RFTN2: variants seen among roughly 807,000 people sequenced by gnomAD.
The protein encoded by RFTN2 is raftlin family member 2.
In RFTN2, 34 loss-of-function variants were observed where a neutral mutation model predicts 52.7. The observed-to-expected ratio is 0.64, with a 90% CI of 0.49 to 0.86. The LOEUF (loss-of-function observed/expected upper bound fraction) is 0.86, where lower values mean the gene tolerates loss of function less well. RFTN2 is among the 40% of genes least tolerant of loss of function. The pLI is 0.00. For missense variants in RFTN2, 536 were observed against 600.1 expected (o/e 0.89, Z 1.12); for synonymous variants, 203 against 217.7 (o/e 0.93, Z 0.59).
intron 8 of RFTN2, among the ~76,000 whole-genome samples, chr2:197,573,762 C>T (rs573085722): frequency 3.3e-5 from 5 of 152,310 alleles, no homozygotes; most frequent in Non-Finnish European, 4.4e-5. Flanking sequence ...TTTTGTGGGC[C>T]GGACCTAGGG....
intron 8 of RFTN2, among the ~76,000 whole-genome samples, chr2:197,583,862 G>C (rs941129754): frequency 1.3e-5 from 2 of 152,068 alleles, no homozygotes; most frequent in Non-Finnish European, 2.9e-5. Context: ...CAAACTATGA[G>C]TGAGAACATG....
At chr2:197,609,545 T>C (rs2088020601) in intron 7 of RFTN2, among the ~76,000 whole-genome samples, 1 of 152,232 alleles carries the variant, frequency 6.6e-6, no homozygotes, top group African/African-American at 2.4e-5. Context: ...CTTTGTCAGA[T>C]GGATAGATTG....
chr2:197,609,060 A>C (rs2088012184), intron 7 of RFTN2, among the ~76,000 whole-genome samples: 1 of 151,924 alleles, frequency 6.6e-6, no homozygotes. Flanking sequence ...TGGTACCAAG[A>C]TTTTGCTATT....
Position 197,633,962 on chromosome 2 carries a change from A to G in RFTN2, c.474T>C (p.Val158=), listed in dbSNP as rs758003351. The part of the protein sequence containing the change: ...NVAAKRGMKF[V]GFISQHYSPS... ...GAGAATAATGCTGTGATATGAATCC[A>G]ACAAATTTCATTCCTCTTTTAGCAG... Residue 158 remains valine, a synonymous_variant, in exon 4 of 9, where the codon GTT becomes GTC. Coordinates refer to ENST00000295049, the MANE Select transcript of RFTN2 (RefSeq NM_144629.3). 5 of 1,612,890 alleles carry G rather than the reference A, an allele frequency of 3.1e-6. No homozygotes were observed. The Admixed American group carries it at 8.3e-5, about 27-fold the overall frequency.
chr2:197,623,218 C>T (rs2088297955), intron 5 of RFTN2, among the ~76,000 whole-genome samples: 1 of 152,168 alleles, frequency 6.6e-6, no homozygotes, highest in Non-Finnish European at 1.5e-5. Flanking sequence ...CCATTAAGAA[C>T]ATTTATGATT....
intron 8 of RFTN2, among the ~76,000 whole-genome samples, chr2:197,578,410 T>C (rs186456819): frequency 6.6e-6 from 1 of 152,324 alleles, no homozygotes; most frequent in East Asian, 1.9e-4. Flanking sequence ...GTGACTGTTA[T>C]GTCAGGCCTC....
intron 1 of RFTN2, among the ~76,000 whole-genome samples, chr2:197,660,980 TA>T (rs757178402): frequency 2.0e-5 from 3 of 152,214 alleles, no homozygotes; most frequent in Non-Finnish European, 2.9e-5. Flanking sequence ...CAATATTACA[TA>T]TTTTTTTATC....
intron 8 of RFTN2, among the ~76,000 whole-genome samples, chr2:197,582,260 C>G (rs1349573723): frequency 6.6e-6 from 1 of 152,244 alleles, no homozygotes; most frequent in Non-Finnish European, 1.5e-5. Context: ...ACTTTCTGCT[C>G]CGCAGCTCCT....
chr2:197,628,819 A>G (rs2088412972), intron 5 of RFTN2, among the ~76,000 whole-genome samples: 1 of 152,234 alleles, frequency 6.6e-6, no homozygotes, highest in Admixed American at 6.5e-5. Flanking sequence ...CACAACAGAA[A>G]AAGTAGGAGT....
chr2:197,578,814 C>G (rs2087460086), intron 8 of RFTN2, among the ~76,000 whole-genome samples: 1 of 152,192 alleles, frequency 6.6e-6, no homozygotes, highest in Non-Finnish European at 1.5e-5. Flanking sequence ...CCACCCTTGG[C>G]AGATCAATCC....
At chr2:197,647,179 T>C (rs1412638985) in intron 1 of RFTN2, among the ~76,000 whole-genome samples, 7 of 152,178 alleles carry the variant, frequency 4.6e-5, no homozygotes, top group Non-Finnish European at 8.8e-5. Context: ...GAAGAGCCAG[T>C]CATTTTTATG....
chr2:197,591,270 C>A (rs886316072), intron 8 of RFTN2, among the ~76,000 whole-genome samples: 1 of 152,166 alleles, frequency 6.6e-6, no homozygotes, highest in Admixed American at 6.5e-5. Context: ...TATTCACAAT[C>A]CCTTAGCTAG....
rs183683486 is a variant in RFTN2, at chr2:197,584,539, A to T, written c.1233+11452T>A. ...TTTGTCAGATGAGTAGATTGCAAAAATTTTCTCCCACTCTGTAGGTTGCCT... is the reference window on the plus strand; with the variant it reads ...TTTGTCAGATGAGTAGATTGCAAAATTTTTCTCCCACTCTGTAGGTTGCCT... On this transcript the variant is annotated intron_variant, in intron 8 of 8. Coordinates refer to ENST00000295049, the MANE Select transcript of RFTN2 (RefSeq NM_144629.3). Among the ~76,000 whole-genome samples the T allele has an allele frequency of 6.8e-4, 103 of 151,734 alleles. 1 individual carries two copies. The highest frequency in any genetic ancestry group is 2.4e-3 in the African/African-American group (100 of 41,340).
chr2:197,595,616 T>C (rs1245025027), intron 8 of RFTN2, among the ~76,000 whole-genome samples: 2 of 152,224 alleles, frequency 1.3e-5, no homozygotes, highest in East Asian at 3.8e-4. Context: ...TGCAGACTCT[T>C]CAGTGTGAAT....
At chr2:197,604,202 T>C (rs1482961322) in intron 7 of RFTN2, among the ~76,000 whole-genome samples, 1 of 152,192 alleles carries the variant, frequency 6.6e-6, no homozygotes, top group East Asian at 1.9e-4. Context: ...AACAATCTAT[T>C]TGAAAAGAAT....
intron 7 of RFTN2, among the ~76,000 whole-genome samples, chr2:197,601,351 C>T (rs2087878393): frequency 1.3e-5 from 2 of 152,180 alleles, no homozygotes; most frequent in African/African-American, 4.8e-5. Flanking sequence ...TTGGACTAAA[C>T]TAATAAAAAC....
intron 2 of RFTN2, among the ~76,000 whole-genome samples, chr2:197,645,476 A>G (rs1424851980): frequency 2.6e-5 from 4 of 152,236 alleles, no homozygotes; most frequent in Non-Finnish European, 5.9e-5. Context: ...GTGTAAAAAA[A>G]TTTAATGTGT....
At chr2:197,579,138 T>C (rs1574675422) in intron 8 of RFTN2, among the ~76,000 whole-genome samples, 1 of 152,324 alleles carries the variant, frequency 6.6e-6, no homozygotes, top group East Asian at 1.9e-4. Context: ...TGGTGTTTAA[T>C]CACTGCAGAG....
intron 8 of RFTN2, among the ~76,000 whole-genome samples, chr2:197,577,802 A>T (rs917049862): frequency 2.0e-5 from 3 of 152,228 alleles, no homozygotes; most frequent in Non-Finnish European, 4.4e-5. Flanking sequence ...CAATTGCTTG[A>T]CTACCTCCTG....
Sources: allele counts gnomAD v4.1 joint callset (sites outside exome capture counted in the v4.1 genomes callset), GRCh38; gene constraint gnomAD v4.1.1; transcripts MANE v1.5; gene names NCBI Gene and HGNC (gene_info 2026-07-23, HGNC 2026-07-21).